Variants in TMED8 observed in about 807,000 individuals in gnomAD.
The protein encoded by TMED8 is transmembrane p24 trafficking protein family member 8, also known as protein TMED8.
TMED8 carries 15 observed loss-of-function variants against 32.7 expected under a neutral mutation model. That is an observed-to-expected ratio of 0.46 (90% CI 0.31 to 0.71). The LOEUF is 0.71. Ranked by LOEUF, TMED8 falls within the 30% of genes least tolerant of loss-of-function variation. The pLI is 0.06. For missense variants in TMED8, 390 were observed against 423.9 expected (o/e 0.92, Z 0.70); for synonymous variants, 147 against 161.4 (o/e 0.91, Z 0.68).
In TMED8 at chr14:77,375,238, A is replaced by T. The variant is rs528931175; in HGVS notation, c.118+1698T>A. Among the ~76,000 whole-genome samples, 343 of 152,216 alleles carry T rather than the reference A, an allele frequency of 2.3e-3. 1 individual carries two copies. Among genetic ancestry groups the T allele is most frequent in the Non-Finnish European group, 3.3e-3 (227 of 68,006 alleles). ...CCCCTACATGACATTAAAAAAAAAA[A>T]TTATCACCCTGCATTCTGAGGGTAA... On this transcript the variant is annotated intron_variant, in intron 1 of 5. Transcript: ENST00000216468.
intron 1 of TMED8, among the ~76,000 whole-genome samples, chr14:77,357,639 A>C (rs879505940): frequency 3.3e-5 from 5 of 152,212 alleles, no homozygotes; most frequent in Non-Finnish European, 5.9e-5. Context: ...ATTTTAGCAT[A>C]TTTTATGTGC....
intron 2 of TMED8, among the ~76,000 whole-genome samples, 158 bp from the exon 3 acceptor site, chr14:77,346,636 G>A (rs1893043427): frequency 6.6e-6 from 1 of 151,962 alleles, no homozygotes; most frequent in Non-Finnish European, 1.5e-5. Flanking sequence ...CCACTGCCCA[G>A]GGCTGAATTG....
intron 2 of TMED8, among the ~76,000 whole-genome samples, chr14:77,351,411 A>ATTT (rs1181134385): frequency 1.6e-4 from 16 of 102,126 alleles, no homozygotes; most frequent in African/African-American, 5.1e-4. Flanking sequence ...CGCCCCGCTA[A>ATTT]TTTTTTTTTT....
In TMED8 at chr14:77,340,406, A is replaced by T. The variant is rs190617475; in HGVS notation, c.*1365T>A. The T allele has an allele frequency of 1.3e-5, 2 of 152,358 alleles. No individual in the cohort carries two copies. Among genetic ancestry groups the T allele is most frequent in the Non-Finnish European group, 2.9e-5 (2 of 68,038 alleles). The allele number at this position is 152,358 out of a possible 1,614,324, so 9.4% of individuals were successfully genotyped here. A position where few individuals can be genotyped will look rare whatever the true frequency, so the allele number is the denominator to read the frequency against. ...GTGCTAAAAAAATAAATACAGTAAT[A>T]AATAAATCTAATTATTCTTCAGAAT... On this transcript the variant is annotated 3_prime_UTR_variant, in exon 6 of 6. Transcript: ENST00000216468.
intron 2 of TMED8, among the ~76,000 whole-genome samples, chr14:77,350,787 G>A (rs989213980): frequency 1.3e-5 from 2 of 151,942 alleles, no homozygotes; most frequent in Admixed American, 6.6e-5. Context: ...CTCCAGCCTG[G>A]GCAACAAAGC....
At chr14:77,367,821 G>A (rs903730863) in intron 1 of TMED8, among the ~76,000 whole-genome samples, 2 of 151,994 alleles carry the variant, frequency 1.3e-5, no homozygotes, top group Non-Finnish European at 2.9e-5. Flanking sequence ...AGCCTCCTGA[G>A]CAGCTGGGAC....
intron 2 of TMED8, among the ~76,000 whole-genome samples, chr14:77,348,518 C>A (rs575619128): frequency 8.5e-5 from 13 of 152,258 alleles, no homozygotes; most frequent in African/African-American, 3.1e-4. Context: ...CCACCGCGCC[C>A]GGCTGTTTTA....
Position 77,346,335 on chromosome 14 carries a change from AATCTGCCCCCTACCTCAT to A in TMED8, c.323_327+13del, listed in dbSNP as rs781363565. On this transcript the variant is annotated splice_donor_variant and splice_donor_5th_base_variant and coding_sequence_variant and intron_variant, in exon 3 of 6. Coordinates refer to ENST00000216468, the MANE Select transcript of TMED8 (RefSeq NM_213601.3). LOFTEE classifies it high-confidence loss of function. ...GCCTCCTTTCATAAGAAAGAGCCAG[AATCTGCCCCCTACCTCAT>A]TGAGGACCTGGGCCTGGTCTGCAGG... The A allele has an allele frequency of 6.2e-7, 1 of 1,613,550 alleles. No individual in the cohort carries two copies. The highest frequency in any genetic ancestry group is 1.7e-5 in the Admixed American group (1 of 59,940).
intron 1 of TMED8, among the ~76,000 whole-genome samples, chr14:77,367,642 C>G (rs1179424110): frequency 6.6e-6 from 1 of 151,522 alleles, no homozygotes; most frequent in Admixed American, 6.6e-5. Flanking sequence ...CCATCAAAAT[C>G]TGCATCAAAA....
At chr14:77,357,924 G>A (rs1310522702) in intron 1 of TMED8, among the ~76,000 whole-genome samples, 1 of 151,998 alleles carries the variant, frequency 6.6e-6, no homozygotes, top group Admixed American at 6.6e-5. Flanking sequence ...AGGAGATGGA[G>A]ACCAGCCTGG....
At chr14:77,373,885 T>C (rs1893753913) in intron 1 of TMED8, among the ~76,000 whole-genome samples, 1 of 152,132 alleles carries the variant, frequency 6.6e-6, no homozygotes, top group Non-Finnish European at 1.5e-5. Context: ...TAAAAGAGTC[T>C]GGGACCTCCT....
chr14:77,354,274 A>G (rs2139617538), intron 1 of TMED8, among the ~76,000 whole-genome samples: 1 of 152,340 alleles, frequency 6.6e-6, no homozygotes, highest in South Asian at 2.1e-4. Context: ...GTTGGCCTAA[A>G]TAAGTCAATC....
intron 1 of TMED8, among the ~76,000 whole-genome samples, chr14:77,374,076 G>A (rs1314931468): frequency 6.6e-6 from 1 of 152,136 alleles, no homozygotes; most frequent in Non-Finnish European, 1.5e-5. Context: ...TCAGTCTCAG[G>A]TATTCCAAAT....
At chr14:77,362,339 G>T (rs1893459120) in intron 1 of TMED8, among the ~76,000 whole-genome samples, 1 of 151,978 alleles carries the variant, frequency 6.6e-6, no homozygotes, top group Non-Finnish European at 1.5e-5. Flanking sequence ...CTGGCTTTGG[G>T]TTTTTCATAA....
intron 1 of TMED8, among the ~76,000 whole-genome samples, chr14:77,375,322 A>G (rs1893787467): frequency 1.3e-5 from 2 of 152,174 alleles, no homozygotes; most frequent in South Asian, 4.1e-4. Flanking sequence ...GCAGGAATGA[A>G]TTAGATGTCA....
intron 1 of TMED8, among the ~76,000 whole-genome samples, chr14:77,370,161 G>A (rs974225195): frequency 9.5e-6 from 1 of 105,814 alleles, no homozygotes; most frequent in Admixed American, 9.6e-5. Context: ...GACAGAGCGA[G>A]ACTCCGTTTC....
Position 77,341,843 on chromosome 14 carries a change from C to T in TMED8, c.906G>A (p.Leu302=). 6.2e-7 allele frequency: 1 copy of T among 1,613,604 alleles called. No individual in the cohort carries two copies. The highest frequency in any genetic ancestry group is 8.5e-7 in the Non-Finnish European group (1 of 1,179,974). ...SHDYPGEGIY[L]LKFDNSYSLL... is the part of the protein sequence containing the mutation. Reference sequence around the variant, plus strand: ...GGGAGTAGGAGTTGTCGAACTTGAGCAGGTAGATGCCCTCACCAGGGTAGT... The same window carrying T: ...GGGAGTAGGAGTTGTCGAACTTGAGTAGGTAGATGCCCTCACCAGGGTAGT... The change falls in exon 6 of 6, where the codon CTG becomes CTA. Residue 302 remains leucine (L), a synonymous_variant. Coordinates refer to ENST00000216468, the MANE Select transcript of TMED8 (RefSeq NM_213601.3).
At chr14:77,357,592 A>G (rs185352104) in intron 1 of TMED8, among the ~76,000 whole-genome samples, 1 of 152,300 alleles carries the variant, frequency 6.6e-6, no homozygotes, top group East Asian at 1.9e-4. Flanking sequence ...AAGGTAACCA[A>G]TGATTTGTTC....
rs890536471 is a variant in TMED8 at position 77,337,909 on chromosome 14, A to G, written c.*3862T>C. ...ACATTTATGCGGGGAGTGTGTGTAT[A>G]CATATATATACAGCAAACCAAAAAT... is the stretch of plus-strand genomic sequence containing the variant. On this transcript the variant is annotated 3_prime_UTR_variant, in exon 6 of 6. Coordinates refer to ENST00000216468, the MANE Select transcript of TMED8 (RefSeq NM_213601.3). 1 of 152,200 alleles carries G rather than the reference A, an allele frequency of 6.6e-6. No homozygotes were observed. Among genetic ancestry groups the G allele is most frequent in the African/African-American group, 2.4e-5 (1 of 41,452 alleles). The allele number at this position is 152,200 out of a possible 1,614,324, so 9.4% of individuals were successfully genotyped here.
Sources: allele counts gnomAD v4.1 joint callset (sites outside exome capture counted in the v4.1 genomes callset), GRCh38; gene constraint gnomAD v4.1.1; transcripts MANE v1.5; gene names NCBI Gene and HGNC (gene_info 2026-07-23, HGNC 2026-07-21).